Variants in PEX7 observed in about 807,000 individuals in gnomAD.
PEX7 encodes the protein PTS2 receptor.
PEX7 carries 34 observed loss-of-function variants against 47.5 expected under a neutral mutation model. The ratio of observed to expected loss-of-function variants is 0.72; its 90% confidence interval spans 0.54 to 0.95. The LOEUF (loss-of-function observed/expected upper bound fraction) is 0.95. PEX7 is among the 40% of genes least tolerant of loss of function. The pLI is 0.00. For missense variants in PEX7, 394 were observed against 400.3 expected (o/e 0.98, Z 0.13); for synonymous variants, 141 against 148.8 (o/e 0.95, Z 0.38).
At chr6:136,890,101 A>C (rs895110410) in intron 8 of PEX7, among the ~76,000 whole-genome samples, 2 of 152,232 alleles carry the variant, frequency 1.3e-5, no homozygotes, top group African/African-American at 4.8e-5. Context: ...CCTAGTCAAG[A>C]GTGTGGCAAC....
At chr6:136,843,008 A>G (rs755777762) in intron 3 of PEX7, among the ~76,000 whole-genome samples, 2 of 152,220 alleles carry the variant, frequency 1.3e-5, no homozygotes, top group Non-Finnish European at 2.9e-5. Context: ...AGCTCCAGTA[A>G]AGGGTGAAAC....
chr6:136,907,247 G>A (rs1234750426), intron 9 of PEX7, among the ~76,000 whole-genome samples: 2 of 152,102 alleles, frequency 1.3e-5, no homozygotes, highest in Non-Finnish European at 2.9e-5. Context: ...TGATACATAT[G>A]TGCTAAATAG....
In PEX7 at chr6:136,900,420, C is replaced by T. The variant is rs1775733223; in HGVS notation, c.903+2179C>T. On this transcript the variant is annotated intron_variant, in intron 9 of 9. Transcript: ENST00000318471. This position sits in a 1 kb window ranked among gnomAD's most constrained non-coding sequence, Gnocchi z 4.2. Reference sequence around the variant, plus strand: ...CAGGTTCTTTAGCCTTTGCCTTTTCCAGCTTGGCAGTGTGAGCCACAGACT... The same window carrying T: ...CAGGTTCTTTAGCCTTTGCCTTTTCTAGCTTGGCAGTGTGAGCCACAGACT... The T allele has an allele frequency of 5.0e-6, 2 of 400,624 alleles. No homozygotes were observed. The highest frequency in any genetic ancestry group is 6.7e-5 in the East Asian group (1 of 14,990). 24.8% of individuals were successfully genotyped at this position (400,624 alleles called of 1,614,324 possible). A position where few individuals can be genotyped will look rare whatever the true frequency, so the allele number is the denominator to read the frequency against.
chr6:136,869,909 C>A lies in PEX7; in HGVS notation c.653C>A (p.Ala218Glu). The change falls in exon 7 of 10, where the codon GCG becomes GAG. Residue 218 changes from alanine (A) to glutamate (E), a missense_variant. Transcript: ENST00000318471. Reference sequence around the variant, plus strand: ...TTTTAGAATTTGCTGGTGACCGGGGCGGTTGACTGTAGTTTGAGAGGCTGG... The same window carrying A: ...TTTTAGAATTTGCTGGTGACCGGGGAGGTTGACTGTAGTTTGAGAGGCTGG... Reference protein sequence around the residue: ...KYNENLLVTGAVDCSLRGWDL... With the variant: ...KYNENLLVTGEVDCSLRGWDL... 1 of 1,613,730 alleles carries A rather than the reference C, an allele frequency of 6.2e-7. No individual in the cohort carries two copies. Among genetic ancestry groups the A allele is most frequent in the African/African-American group, 1.3e-5 (1 of 75,030 alleles).
intron 3 of PEX7, among the ~76,000 whole-genome samples, chr6:136,838,369 G>A (rs1285813653): frequency 6.6e-6 from 1 of 152,184 alleles, no homozygotes; most frequent in African/African-American, 2.4e-5. Flanking sequence ...AATCCAGAAG[G>A]CAAGACATTC....
At chr6:136,877,339 T>C (rs1166335315) in intron 8 of PEX7, among the ~76,000 whole-genome samples, 1 of 152,234 alleles carries the variant, frequency 6.6e-6, no homozygotes, top group African/African-American at 2.4e-5. Flanking sequence ...TTTGTTAATT[T>C]TGGCTTTTGT....
intron 8 of PEX7, among the ~76,000 whole-genome samples, chr6:136,882,724 A>G (rs1775398909): frequency 6.6e-6 from 1 of 152,110 alleles, no homozygotes; most frequent in Admixed American, 6.5e-5. Flanking sequence ...TACGCCGTGA[A>G]GTGACCTGTT....
intron 9 of PEX7, 31 bp from the exon 10 acceptor site, chr6:136,913,427 C>A: frequency 2.0e-6 from 3 of 1,511,688 alleles, no homozygotes; most frequent in Non-Finnish European, 1.8e-6. Context: ...TGTCTAAATA[C>A]GTTTCTTCTT....
At chr6:136,891,404 G>C (rs1453496635) in intron 8 of PEX7, among the ~76,000 whole-genome samples, 1 of 152,164 alleles carries the variant, frequency 6.6e-6, no homozygotes, top group Non-Finnish European at 1.5e-5. Context: ...CTGGGTATTA[G>C]TGATTGAGCA....
intron 5 of PEX7, among the ~76,000 whole-genome samples, chr6:136,853,882 G>T (rs551741709): frequency 6.6e-6 from 1 of 152,158 alleles, no homozygotes; most frequent in East Asian, 1.9e-4. Flanking sequence ...ACACACTGTC[G>T]ACTTATAAGG....
chr6:136,870,247 ATTCT>A (rs1469436291), intron 7 of PEX7, among the ~76,000 whole-genome samples: 1 of 152,116 alleles, frequency 6.6e-6, no homozygotes, highest in Non-Finnish European at 1.5e-5. Context: ...TCTTTTTCTC[ATTCT>A]TTCACCTCCA....
At chr6:136,860,039 T>C (rs1774930392) in intron 5 of PEX7, among the ~76,000 whole-genome samples, 1 of 151,628 alleles carries the variant, frequency 6.6e-6, no homozygotes, top group African/African-American at 2.4e-5. Context: ...AAAAAAAAAT[T>C]CACTGGTTCT....
chr6:136,879,836 G>A (rs1472115624), intron 8 of PEX7, among the ~76,000 whole-genome samples: 1 of 151,184 alleles, frequency 6.6e-6, no homozygotes, highest in Non-Finnish European at 1.5e-5. Context: ...CATTCTTTTG[G>A]TTGTTTTCCT....
At chr6:136,842,678 G>T (rs556477158) in intron 3 of PEX7, among the ~76,000 whole-genome samples, 1 of 152,320 alleles carries the variant, frequency 6.6e-6, no homozygotes, top group East Asian at 1.9e-4. Flanking sequence ...ATGTTTGAGT[G>T]CCTATTTTAC....
intron 8 of PEX7, among the ~76,000 whole-genome samples, chr6:136,888,080 C>T (rs1249988735): frequency 1.3e-5 from 2 of 151,834 alleles, no homozygotes; most frequent in Admixed American, 6.6e-5. Context: ...CTTCCCCTTC[C>T]CCTTAAAAAA....
chr6:136,862,914 T>A (rs1774992569), intron 5 of PEX7, among the ~76,000 whole-genome samples: 1 of 152,154 alleles, frequency 6.6e-6, no homozygotes, highest in Non-Finnish European at 1.5e-5. Context: ...AAAAAGGGTA[T>A]TTCTGGGCAG....
chr6:136,853,658 T>C (rs1351369680), intron 5 of PEX7, among the ~76,000 whole-genome samples: 1 of 152,176 alleles, frequency 6.6e-6, no homozygotes, highest in South Asian at 2.1e-4. Context: ...ATGGAAACCT[T>C]CAGGTAAATT....
At position 136,823,382 on chromosome 6, in the gene PEX7, A is replaced by G. The variant is rs904422447; in HGVS notation, c.130+587A>G. The G allele has an allele frequency of 1.5e-5, 15 of 982,572 alleles. No individual in the cohort carries two copies. In the South Asian group the frequency reaches 7.1e-4, roughly 46 times the overall value. 60.9% of individuals were successfully genotyped at this position (982,572 alleles called of 1,614,324 possible). A position where few individuals can be genotyped will look rare whatever the true frequency, so the allele number is the denominator to read the frequency against. ...ACGAGGAATGCACACATTCGCAAGT[A>G]GGTGTTACAGACTCCAGTTAATTGT... is the stretch of plus-strand genomic sequence containing the variant. On this transcript the variant is annotated intron_variant, in intron 1 of 9. Coordinates refer to ENST00000318471, the MANE Select transcript of PEX7 (RefSeq NM_000288.4).
chr6:136,881,364 G>A (rs921086447), intron 8 of PEX7, among the ~76,000 whole-genome samples: 2 of 152,094 alleles, frequency 1.3e-5, no homozygotes, highest in African/African-American at 4.8e-5. Flanking sequence ...TCTTTTTGTC[G>A]CTCATGGATT....
Sources: gnomAD v4.1 joint callset for allele counts (sites outside exome capture counted in the v4.1 genomes callset) on GRCh38, gnomAD v4.1.1 for gene constraint, Gnocchi (gnomAD v3.1) non-coding constraint, MANE v1.5 for transcripts, NCBI Gene and HGNC (gene_info 2026-07-23, HGNC 2026-07-21) for gene names.